Variants in SDK2 observed in about 807,000 individuals in gnomAD.
SDK2 encodes the protein protein sidekick-2.
SDK2 carries 105 observed loss-of-function variants against 253.9 expected under a neutral mutation model. The observed-to-expected ratio is 0.41, with a 90% CI of 0.35 to 0.49. SDK2 has a LOEUF of 0.49. SDK2 is among the 20% of genes least tolerant of loss of function. The pLI is 0.06. For missense variants in SDK2, 2,608 were observed against 3,003.0 expected, an observed-to-expected ratio of 0.87 and a Z score of 3.07; for synonymous variants, 1,249 against 1,234.9, an observed-to-expected ratio of 1.01 and a Z score of -0.24.
At chr17:73,468,124 G>A (rs988439138) in intron 3 of SDK2, among the ~76,000 whole-genome samples, 2 of 152,202 alleles carry the variant, frequency 1.3e-5, no homozygotes, top group African/African-American at 4.8e-5. Context: ...GAGAGGTAGT[G>A]GAGGGGCAGG....
chr17:73,547,859 G>C (rs1567835983), intron 1 of SDK2, among the ~76,000 whole-genome samples: 1 of 152,218 alleles, frequency 6.6e-6, no homozygotes, highest in Non-Finnish European at 1.5e-5. Flanking sequence ...ACAAAGAAAA[G>C]AGGTTTAATT....
chr17:73,518,458 ATCT>A (rs1172106953), intron 1 of SDK2: 13 of 152,332 alleles, frequency 8.5e-5, no homozygotes, highest in African/African-American at 2.9e-4. Flanking sequence ...ATTATTCCTC[ATCT>A]TGGCTTGGTG....
chr17:73,608,845 G>A (rs1250226611), intron 1 of SDK2, among the ~76,000 whole-genome samples: 1 of 152,180 alleles, frequency 6.6e-6, no homozygotes. Context: ...GGATCACCGT[G>A]GCTACTGTCT....
intron 1 of SDK2, among the ~76,000 whole-genome samples, chr17:73,641,970 G>A (rs564331403): frequency 1.2e-4 from 19 of 152,252 alleles, no homozygotes; most frequent in African/African-American, 3.4e-4. Context: ...AAACACTCTC[G>A]GAGCCAGAGA....
At chr17:73,479,579 T>TAATTGTTATGCAATTAACATAATA (rs2063708852) in intron 2 of SDK2, among the ~76,000 whole-genome samples, 1 of 152,236 alleles carries the variant, frequency 6.6e-6, no homozygotes, top group South Asian at 2.1e-4. Flanking sequence ...AATAACAATA[T>TAATTGTTATGCAATTAACATAATA]ACCATTATGC....
At chr17:73,535,743 A>T (rs1225457605) in intron 1 of SDK2, among the ~76,000 whole-genome samples, 1 of 152,184 alleles carries the variant, frequency 6.6e-6, no homozygotes, top group Non-Finnish European at 1.5e-5. Flanking sequence ...TCACCAAAGT[A>T]GGGTGTGGAG....
intron 44 of SDK2, among the ~76,000 whole-genome samples, chr17:73,343,226 G>T (rs549304165): frequency 4.6e-5 from 7 of 152,372 alleles, no homozygotes; most frequent in Non-Finnish European, 5.9e-5. Flanking sequence ...GCATCTCGGG[G>T]ATGGAAGGCA....
In SDK2 at chr17:73,644,043, G is replaced by T. The variant is rs1460871044; in HGVS notation, c.46C>A (p.Arg16Ser). 2.0e-6 allele frequency: 3 copies of T among 1,535,442 alleles called. No individual in the cohort carries two copies. In the Admixed American group the frequency reaches 6.0e-5, roughly 31 times the overall value. Residue 16 changes from arginine (R) to serine (S), a missense_variant, in exon 1 of 45, where the codon CGC becomes AGC. This residue lies in a region of SDK2 where 1,505 missense variants were observed against 1,859.1 expected (regional missense o/e 0.81). Coordinates refer to ENST00000392650, the MANE Select transcript of SDK2 (RefSeq NM_001144952.2). This position sits in a 1 kb window ranked among gnomAD's most constrained non-coding sequence, Gnocchi z 6.3. Reference sequence around the variant, plus strand: ...TCCTTACCTTGGGCTCTGGCCGCGCGGATCTGATGCAGAGCTAGCAGTGTC... The same window carrying T: ...TCCTTACCTTGGGCTCTGGCCGCGCTGATCTGATGCAGAGCTAGCAGTGTC... ...IWTLLALHQI[R>S]AARAQDDVSP... is the part of the protein sequence containing the mutation.
At chr17:73,594,595 A>AAC (rs3070639) in intron 1 of SDK2, among the ~76,000 whole-genome samples, 52,861 of 151,384 alleles carry the variant, frequency 0.35, 9,309 homozygotes, top group South Asian at 0.43. Flanking sequence ...TGGGACAATG[A>AAC]ACACACACAC....
Position 73,398,018 on chromosome 17 carries a change from C to T in SDK2, c.3354+17G>A. ...GCTCATGGAGAGGTCCCACCCCTGC[C>T]CTCGAGGGAGCCTTACCATCCAGCG... On this transcript the variant is annotated intron_variant, in intron 24 of 44. Coordinates refer to ENST00000392650, the MANE Select transcript of SDK2 (RefSeq NM_001144952.2). The T allele has an allele frequency of 1.2e-6, 2 of 1,607,704 alleles. No individual in the cohort carries two copies. The highest frequency in any genetic ancestry group is 1.7e-6 in the Non-Finnish European group (2 of 1,179,734).
chr17:73,598,092 A>C (rs529240438), intron 1 of SDK2, among the ~76,000 whole-genome samples: 64 of 147,856 alleles, frequency 4.3e-4, no homozygotes, highest in African/African-American at 1.6e-3. Flanking sequence ...CCCCAAACCT[A>C]GAACTTTTCC....
chr17:73,421,803 C>T (rs139918448), intron 15 of SDK2, among the ~76,000 whole-genome samples: 184 of 152,064 alleles, frequency 1.2e-3, no homozygotes, highest in African/African-American at 3.9e-3. Flanking sequence ...TCAGGTGATC[C>T]GCCCGCCTCA....
intron 36 of SDK2, among the ~76,000 whole-genome samples, chr17:73,376,169 G>A (rs1395097944): frequency 3.3e-5 from 5 of 151,548 alleles, no homozygotes; most frequent in African/African-American, 1.2e-4. Context: ...ACTTCAGCCT[G>A]GCGGCAGAGC....
At chr17:73,364,263 CAG>C (rs1368105798) in intron 38 of SDK2, among the ~76,000 whole-genome samples, 1 of 152,148 alleles carries the variant, frequency 6.6e-6, no homozygotes, top group Non-Finnish European at 1.5e-5. Flanking sequence ...TGCCCATTGT[CAG>C]GGGCTGCGCA....
chr17:73,392,273 T>A (rs1266652941), intron 27 of SDK2, among the ~76,000 whole-genome samples: 4 of 70,658 alleles, frequency 5.7e-5, no homozygotes, highest in Non-Finnish European at 1.1e-4. Context: ...ATTTCCAAAC[T>A]TTTTTTTTTT....
chr17:73,420,768 C>T (rs902417794), intron 15 of SDK2, among the ~76,000 whole-genome samples: 6 of 152,118 alleles, frequency 3.9e-5, no homozygotes, highest in Admixed American at 6.6e-5. Flanking sequence ...CTCCGTCTCC[C>T]GGGTTCAAGC....
chr17:73,593,779 G>A (rs989098911), intron 1 of SDK2, among the ~76,000 whole-genome samples: 1 of 152,172 alleles, frequency 6.6e-6, no homozygotes, highest in Admixed American at 6.5e-5. Flanking sequence ...AGGGGCCTGG[G>A]CGGCAGGGCT....
rs182501541 is a variant in SDK2 at position 73,431,104 on chromosome 17, C to T, written c.1480+398G>A. Reference sequence around the variant, plus strand: ...TAGCCACGCCCATTGGATGACATACCGTCTGTGGCTGCTTTCTAGATAAAA... The same window carrying T: ...TAGCCACGCCCATTGGATGACATACTGTCTGTGGCTGCTTTCTAGATAAAA... On this transcript the variant is annotated intron_variant, in intron 11 of 44. Coordinates refer to ENST00000392650, the MANE Select transcript of SDK2 (RefSeq NM_001144952.2). This position sits in a 1 kb window ranked among gnomAD's most constrained non-coding sequence, Gnocchi z 5.6. 5.3e-5 allele frequency among the ~76,000 whole-genome samples: 8 copies of T among 152,330 alleles called. No individual in the cohort carries two copies. In the East Asian group the frequency reaches 5.8e-4, roughly 11 times the overall value.
chr17:73,344,163 C>T (rs908156212), intron 44 of SDK2, among the ~76,000 whole-genome samples: 1 of 152,126 alleles, frequency 6.6e-6, no homozygotes, highest in Admixed American at 6.6e-5. Context: ...ACAATTTTGT[C>T]GAGGCTCTGG....
Sources: gnomAD v4.1 joint callset for allele counts (sites outside exome capture counted in the v4.1 genomes callset) on GRCh38, gnomAD v4.1.1 for gene constraint, gnomAD v4.1.1 regional missense constraint, Gnocchi (gnomAD v3.1) non-coding constraint, MANE v1.5 for transcripts, NCBI Gene and HGNC (gene_info 2026-07-23, HGNC 2026-07-21) for gene names.